Variants in RBMS3 observed in about 807,000 individuals in gnomAD.
The protein encoded by RBMS3 is RNA-binding motif, single-stranded-interacting protein 3.
In RBMS3, 27 loss-of-function variants were observed where a neutral mutation model predicts 66.8. The observed-to-expected ratio is 0.40, with a 90% CI of 0.30 to 0.56. The LOEUF (loss-of-function observed/expected upper bound fraction) is 0.56, where lower values mean the gene tolerates loss of function less well. Among genes scored for constraint, RBMS3 ranks in the 20% least tolerant of loss-of-function variants. RBMS3 has a pLI of 0.40. For synonymous variants in RBMS3, 188 were observed against 183.0 expected (o/e 1.03, Z -0.22); for missense variants, 513 against 549.5 (o/e 0.93, Z 0.66).
chr3:29,952,888 A>T (rs889776806), intron 12 of RBMS3, among the ~76,000 whole-genome samples: 2 of 151,898 alleles, frequency 1.3e-5, no homozygotes, highest in Non-Finnish European at 2.9e-5. Flanking sequence ...AATTTTATTC[A>T]TAATTGAGCA....
intron 2 of RBMS3, among the ~76,000 whole-genome samples, chr3:29,468,964 C>T (rs2042631163): frequency 1.3e-5 from 2 of 152,032 alleles, no homozygotes; most frequent in Admixed American, 6.6e-5. Flanking sequence ...AGATGTTCCT[C>T]CAAAAGCATG....
At chr3:29,615,470 G>GCA (rs112880454) in intron 4 of RBMS3, among the ~76,000 whole-genome samples, 27,028 of 144,372 alleles carry the variant, frequency 0.19, 2,472 homozygotes, top group African/African-American at 0.24. Context: ...ACTACAGTTA[G>GCA]CACACACACA....
At chr3:29,846,284 T>G (rs1385198861) in intron 6 of RBMS3, among the ~76,000 whole-genome samples, 1 of 152,080 alleles carries the variant, frequency 6.6e-6, no homozygotes, top group African/African-American at 2.4e-5. Context: ...GGGATATGGA[T>G]AGAAGTGGAA....
chr3:29,608,349 G>GA (rs1284572391), intron 4 of RBMS3, among the ~76,000 whole-genome samples: 1 of 151,842 alleles, frequency 6.6e-6, no homozygotes, highest in Middle Eastern at 3.2e-3. Context: ...GAATTAGCTA[G>GA]AAAAATGACT....
At chr3:29,701,077 G>A (rs111930529) in intron 4 of RBMS3, among the ~76,000 whole-genome samples, 10,542 of 152,138 alleles carry the variant, frequency 0.069, 1,210 homozygotes, top group African/African-American at 0.24. Flanking sequence ...AGGAGTTCGA[G>A]ACCAGCCTGG....
chr3:29,304,984 T>C (rs1042914526), intron 1 of RBMS3, among the ~76,000 whole-genome samples: 8 of 151,942 alleles, frequency 5.3e-5, no homozygotes, highest in Non-Finnish European at 1.5e-5. Context: ...ACCAACTATC[T>C]TCTCTGCCCC....
chr3:29,377,023 A>G (rs1575655559), intron 1 of RBMS3, among the ~76,000 whole-genome samples: 1 of 151,882 alleles, frequency 6.6e-6, no homozygotes, highest in East Asian at 1.9e-4. Flanking sequence ...TGGGAGGCGG[A>G]GGTTGAAGTG....
chr3:29,956,184 C>T (rs1376776407), intron 12 of RBMS3, among the ~76,000 whole-genome samples: 2 of 152,114 alleles, frequency 1.3e-5, no homozygotes, highest in Non-Finnish European at 2.9e-5. Flanking sequence ...TTTCACTAGT[C>T]ACAGTTCTTT....
rs368083819 is a variant in RBMS3 at position 29,433,154 on chromosome 3, AT to A, written c.76-1582del. On this transcript the variant is annotated intron_variant, in intron 1 of 14. Coordinates refer to ENST00000383767, the MANE Select transcript of RBMS3 (RefSeq NM_001003793.3). Reference sequence around the variant, plus strand: ...ATGAAACTGTAGAGACACAAAGTACATTTTTTTCCCTCAGATTATATTATTC... The same window carrying A: ...ATGAAACTGTAGAGACACAAAGTACATTTTTTCCCTCAGATTATATTATTC... Among the ~76,000 whole-genome samples the A allele has an allele frequency of 2.4e-3, 363 of 151,866 alleles. 3 individuals are homozygous for A. The highest frequency in any genetic ancestry group is 7.9e-3 in the African/African-American group (327 of 41,406).
chr3:29,537,148 A>T (rs571751467), intron 3 of RBMS3, among the ~76,000 whole-genome samples: 2 of 152,316 alleles, frequency 1.3e-5, no homozygotes. Context: ...TTTTTACTAA[A>T]GGGGAATGAA....
intron 6 of RBMS3, among the ~76,000 whole-genome samples, chr3:29,828,884 T>C (rs1576929234): frequency 6.6e-6 from 1 of 152,182 alleles, no homozygotes; most frequent in South Asian, 2.1e-4. Context: ...GTTCCCATTC[T>C]AAAGATAACT....
At chr3:29,674,900 C>A (rs1477639558) in intron 4 of RBMS3, among the ~76,000 whole-genome samples, 1 of 152,196 alleles carries the variant, frequency 6.6e-6, no homozygotes, top group East Asian at 1.9e-4. Flanking sequence ...TTGGAAAAAA[C>A]TACTTTAAAG....
intron 1 of RBMS3, among the ~76,000 whole-genome samples, chr3:29,403,061 G>A (rs2039879598): frequency 6.6e-6 from 1 of 151,900 alleles, no homozygotes; most frequent in African/African-American, 2.4e-5. Flanking sequence ...GAGTACATGG[G>A]ATGTGGGGCT....
At chr3:29,728,828 C>T (rs185520741) in intron 4 of RBMS3, among the ~76,000 whole-genome samples, 98 of 152,170 alleles carry the variant, frequency 6.4e-4, no homozygotes, top group South Asian at 1.0e-3. Context: ...CTGACTGCTT[C>T]CTCTATAACA....
intron 6 of RBMS3, among the ~76,000 whole-genome samples, chr3:29,801,272 C>CTTTTTTTCTTTTTTTTTT (rs553179866): frequency 1.5e-4 from 19 of 129,470 alleles, no homozygotes; most frequent in African/African-American, 5.1e-4. Context: ...TGCTTTTTTT[C>CTTTTTTTCTTTTTTTTTT]TTTTTTTTTT....
At chr3:29,460,655 T>C (rs1312787856) in intron 2 of RBMS3, among the ~76,000 whole-genome samples, 1 of 152,216 alleles carries the variant, frequency 6.6e-6, no homozygotes, top group Non-Finnish European at 1.5e-5. Context: ...ACATAACAAA[T>C]TTTATTAATG....
At chr3:29,794,945 C>T (rs1408013549) in intron 6 of RBMS3, among the ~76,000 whole-genome samples, 1 of 152,160 alleles carries the variant, frequency 6.6e-6, no homozygotes. Context: ...GGTAGCATAA[C>T]TCTATGCTTC....
chr3:29,914,187 G>C (rs2060583838), intron 10 of RBMS3, among the ~76,000 whole-genome samples: 1 of 151,910 alleles, frequency 6.6e-6, no homozygotes, highest in Non-Finnish European at 1.5e-5. Flanking sequence ...AAGAGAATAT[G>C]GTGGATGCAT....
At chr3:29,631,827 G>A (rs763502399) in intron 4 of RBMS3, among the ~76,000 whole-genome samples, 1 of 151,804 alleles carries the variant, frequency 6.6e-6, no homozygotes, top group Non-Finnish European at 1.5e-5. Flanking sequence ...AAGGGGAGGA[G>A]AGGCATGGTT....
Sources: allele counts gnomAD v4.1 joint callset (sites outside exome capture counted in the v4.1 genomes callset), GRCh38; gene constraint gnomAD v4.1.1; transcripts MANE v1.5; gene names NCBI Gene and HGNC (gene_info 2026-07-23, HGNC 2026-07-21).